CCDC178: variants seen among roughly 807,000 people sequenced by gnomAD.
The protein encoded by CCDC178 is coiled-coil domain-containing protein 178.
CCDC178 carries 126 observed loss-of-function variants against 117.4 expected under a neutral mutation model. The ratio of observed to expected loss-of-function variants is 1.07; its 90% CI spans 0.93 to 1.24. The LOEUF (loss-of-function observed/expected upper bound fraction) is 1.24, where lower values mean the gene tolerates loss of function less well. Ranked by LOEUF, CCDC178 falls within the 50% of genes most tolerant of loss-of-function variation. CCDC178 has a pLI of 0.00. For missense variants in CCDC178, 1,030 were observed against 986.9 expected, an observed-to-expected ratio of 1.04 and a Z score of -0.59; for synonymous variants, 283 against 313.4, an observed-to-expected ratio of 0.90 and a Z score of 1.02.
In CCDC178 at chr18:33,215,646, G is replaced by C; in HGVS notation, c.1982C>G (p.Thr661Arg). ...FKDLEATKSK[T>R]MIFYAKINEL... is the part of the protein sequence containing the mutation. ...ATTTATTTTTGCATAAAAAATCATTGTCTTACTTTTAGTTGCTTCTAGGTC... is the reference window on the plus strand; with the variant it reads ...ATTTATTTTTGCATAAAAAATCATTCTCTTACTTTTAGTTGCTTCTAGGTC... Residue 661 changes from threonine (T) to arginine (R), a missense_variant, in exon 19 of 23, where the codon ACA (threonine) becomes AGA (arginine). Coordinates refer to ENST00000383096, the MANE Select transcript of CCDC178 (RefSeq NM_001105528.4). 1 of 1,532,596 alleles carries C rather than the reference G, an allele frequency of 6.5e-7. No homozygotes were observed. Among genetic ancestry groups the C allele is most frequent in the African/African-American group, 1.4e-5 (1 of 69,408 alleles). The allele number at this position is 1,532,596 out of a possible 1,614,324, so 94.9% of individuals were successfully genotyped here. A position where few individuals can be genotyped will look rare whatever the true frequency, so the allele number is the denominator to read the frequency against.
rs147811008 is a variant in CCDC178 at position 33,255,361 on chromosome 18, C to T, written c.1410-9933G>A. Among the ~76,000 whole-genome samples, 1,397 of 152,136 alleles carry T rather than the reference C, an allele frequency of 9.2e-3. 18 individuals are homozygous for T. Among genetic ancestry groups the T allele is most frequent in the Non-Finnish European group, 9.4e-3 (641 of 68,002 alleles). ...TTGGGCAGGTGACAGTTTACAGTGT[C>T]CAATCTATCAGTCTGGAAGCATGAC... On this transcript the variant is annotated intron_variant, in intron 14 of 22. Coordinates refer to ENST00000383096, the MANE Select transcript of CCDC178 (RefSeq NM_001105528.4).
At chr18:32,992,842 A>G (rs899592194) in intron 21 of CCDC178, among the ~76,000 whole-genome samples, 1 of 152,112 alleles carries the variant, frequency 6.6e-6, no homozygotes, top group African/African-American at 2.4e-5. Flanking sequence ...AGATGGACCA[A>G]GATAATATTA....
At chr18:33,411,691 C>T (rs544702631) in intron 3 of CCDC178, among the ~76,000 whole-genome samples, 25 of 152,056 alleles carry the variant, frequency 1.6e-4, no homozygotes, top group African/African-American at 5.5e-4. Flanking sequence ...ATACTAACAC[C>T]ATGGCCAATT....
chr18:33,328,242 A>G, intron 10 of CCDC178: 1 of 239,026 alleles, frequency 4.2e-6, no homozygotes, highest in Non-Finnish European at 8.2e-6. Flanking sequence ...AGCTGGGACT[A>G]CAGGCCCGTG....
chr18:33,306,412 T>TTGTGTG (rs71159815), intron 11 of CCDC178, among the ~76,000 whole-genome samples: 21,993 of 126,108 alleles, frequency 0.17, 2,761 homozygotes, highest in African/African-American at 0.23. Context: ...TATTGGATCT[T>TTGTGTG]TGTGTGTGTG....
chr18:33,004,337 C>A (rs918697949), intron 21 of CCDC178, among the ~76,000 whole-genome samples: 2 of 152,062 alleles, frequency 1.3e-5, no homozygotes, highest in African/African-American at 4.8e-5. Flanking sequence ...AATTCACACA[C>A]CTACAGTGAA....
chr18:33,403,266 A>G (rs896564663), intron 3 of CCDC178, among the ~76,000 whole-genome samples: 1 of 152,182 alleles, frequency 6.6e-6, no homozygotes, highest in African/African-American at 2.4e-5. Flanking sequence ...AATCTAGAGA[A>G]ATATCTGTTC....
intron 3 of CCDC178, among the ~76,000 whole-genome samples, chr18:33,408,098 G>C (rs1003826217): frequency 6.6e-6 from 1 of 151,736 alleles, no homozygotes; most frequent in Non-Finnish European, 1.5e-5. Context: ...TTTAAAAGTT[G>C]TAAATCCATG....
At chr18:33,226,138 C>T (rs933200576) in intron 16 of CCDC178, among the ~76,000 whole-genome samples, 5 of 152,114 alleles carry the variant, frequency 3.3e-5, no homozygotes, top group South Asian at 2.1e-4. Context: ...TCCAGCCTGG[C>T]GACAGAGCAA....
intron 21 of CCDC178, among the ~76,000 whole-genome samples, chr18:33,011,879 G>C (rs921805870): frequency 6.8e-4 from 102 of 150,302 alleles, no homozygotes; most frequent in African/African-American, 2.3e-3. Flanking sequence ...TGATGGTTAC[G>C]GTGGGCTGCA....
chr18:33,440,830 C>CG (rs2064378703), upstream of CCDC178: 1 of 153,374 alleles, frequency 6.5e-6, no homozygotes, highest in African/African-American at 2.4e-5. Flanking sequence ...GCCCTTAGCC[C>CG]CCGACTCCCG....
At chr18:33,155,966 T>A (rs1386656750) in intron 20 of CCDC178, among the ~76,000 whole-genome samples, 8 of 150,226 alleles carry the variant, frequency 5.3e-5, no homozygotes, top group Non-Finnish European at 2.9e-5. Flanking sequence ...GAGTTTAACT[T>A]AAAAATGGTC....
rs139023653 is a variant in CCDC178, at chr18:33,266,973, T to C, written c.1352A>G (p.Glu451Gly). 6 of 1,600,558 alleles carry C rather than the reference T, an allele frequency of 3.7e-6. No individual in the cohort carries two copies. The African/African-American group carries it at 8.1e-5, about 22-fold the overall frequency. The change falls in exon 14 of 23, where the codon GAA becomes GGA. Residue 451 changes from glutamate (E) to glycine (G), a missense_variant. By Grantham distance (98) the Glu-to-Gly change is moderately conservative. Transcript: ENST00000383096. The stretch of plus-strand genomic sequence containing the variant: ...ATCAATCTCAAGTTTTTTATTGTCT[T>C]CCGTCAGTTTTGTACATGCCAAAGA... ...AISLACTKLTEDNKKLEIDIN... is the reference protein window; with the variant it reads ...AISLACTKLTGDNKKLEIDIN...
chr18:33,326,754 C>T (rs1184164140), intron 10 of CCDC178, among the ~76,000 whole-genome samples: 1 of 150,528 alleles, frequency 6.6e-6, no homozygotes, highest in Non-Finnish European at 1.5e-5. Context: ...TCGGTGGTTA[C>T]AGAAAAAGGG....
intron 5 of CCDC178, among the ~76,000 whole-genome samples, chr18:33,378,618 CCT>C (rs1317802221): frequency 1.3e-5 from 2 of 151,940 alleles, no homozygotes; most frequent in Non-Finnish European, 1.5e-5. Context: ...CATTTTATGC[CCT>C]GTTTCTTGAA....
intron 21 of CCDC178, among the ~76,000 whole-genome samples, chr18:33,051,629 T>C (rs1229386821): frequency 1.3e-5 from 2 of 152,216 alleles, no homozygotes; most frequent in African/African-American, 4.8e-5. Context: ...GCAATGAGGT[T>C]GGCTCAGTGC....
At chr18:33,074,038 C>G (rs1567971769) in intron 21 of CCDC178, among the ~76,000 whole-genome samples, 1 of 152,046 alleles carries the variant, frequency 6.6e-6, no homozygotes, top group Non-Finnish European at 1.5e-5. Context: ...CAAAAAGTAG[C>G]TGGAGCACAC....
At chr18:33,123,509 A>G (rs1356162496) in intron 20 of CCDC178, among the ~76,000 whole-genome samples, 1 of 152,178 alleles carries the variant, frequency 6.6e-6, no homozygotes, top group African/African-American at 2.4e-5. Context: ...AATGATTGAA[A>G]AATAACAGAA....
intron 22 of CCDC178, among the ~76,000 whole-genome samples, chr18:32,948,910 C>T (rs1205487809): frequency 6.6e-6 from 1 of 151,990 alleles, no homozygotes. Context: ...TGAAAGACTT[C>T]ATTTAACGTT....
Sources: gnomAD v4.1 joint callset for allele counts (sites outside exome capture counted in the v4.1 genomes callset) on GRCh38, gnomAD v4.1.1 for gene constraint, MANE v1.5 for transcripts, NCBI Gene and HGNC (gene_info 2026-07-23, HGNC 2026-07-21) for gene names.